GRM5: variants seen among roughly 807,000 people sequenced by gnomAD.
GRM5 encodes glutamate metabotropic receptor 5, also known as metabotropic glutamate receptor 5.
GRM5 carries 19 observed loss-of-function variants against 83.1 expected under a neutral mutation model. The ratio of observed to expected loss-of-function variants is 0.23; its 90% confidence interval spans 0.16 to 0.34. The LOEUF (loss-of-function observed/expected upper bound fraction) is 0.34. GRM5 is among the 10% of genes least tolerant of loss of function. The probability of loss-of-function intolerance (pLI) is 1.00; values close to 1 mark genes in which losing one functional copy is unlikely to be tolerated. For missense variants in GRM5, 1,160 were observed against 1,588.3 expected, an observed-to-expected ratio of 0.73 and a Z score of 4.58; for synonymous variants, 675 against 633.6, an observed-to-expected ratio of 1.07 and a Z score of -0.98.
chr11:88,895,115 G>GAT (rs905569405), intron 2 of GRM5, among the ~76,000 whole-genome samples: 38 of 151,938 alleles, frequency 2.5e-4, no homozygotes, highest in African/African-American at 8.2e-4. Flanking sequence ...GATAAATTGA[G>GAT]ATATATATTG....
intron 2 of GRM5, among the ~76,000 whole-genome samples, chr11:88,986,924 A>C (rs1272596641): frequency 6.6e-6 from 1 of 152,050 alleles, no homozygotes; most frequent in Non-Finnish European, 1.5e-5. Flanking sequence ...ATGGTGGCTC[A>C]TGCCTGTAAT....
At chr11:88,974,092 T>C (rs563524303) in intron 2 of GRM5, among the ~76,000 whole-genome samples, 31 of 152,244 alleles carry the variant, frequency 2.0e-4, no homozygotes, top group African/African-American at 6.0e-4. Context: ...TATCTACAGA[T>C]ATCATATTTG....
In GRM5 at chr11:88,508,753, G is replaced by A. The variant is rs781072751; in HGVS notation, c.3478C>T (p.Leu1160=). Residue 1160 remains leucine, a synonymous_variant, in exon 10 of 10, where the codon CTG becomes TTG. Coordinates refer to ENST00000305447, the MANE Select transcript of GRM5 (RefSeq NM_001143831.3). This position sits in a 1 kb window ranked among gnomAD's most constrained non-coding sequence, Gnocchi z 4.2. ...AAAAKPDLEE[L]VALTPPSPFR... ...GGGGACGGCGGGGTGAGAGCCACCAGCTCCTCCAGGTCTGGCTTGGCGGCC... is the reference window on the plus strand; with the variant it reads ...GGGGACGGCGGGGTGAGAGCCACCAACTCCTCCAGGTCTGGCTTGGCGGCC... 9 of 1,552,658 alleles carry A rather than the reference G, an allele frequency of 5.8e-6. No individual in the cohort carries two copies. In the African/African-American group the frequency reaches 8.5e-5, roughly 15 times the overall value.
At chr11:88,681,787 T>C (rs923843905) in intron 3 of GRM5, among the ~76,000 whole-genome samples, 6 of 151,776 alleles carry the variant, frequency 4.0e-5, no homozygotes, top group African/African-American at 1.5e-4. Context: ...GCCATGCTGG[T>C]CTTGATCTCC....
intron 7 of GRM5, among the ~76,000 whole-genome samples, chr11:88,582,729 A>G (rs1243187999): frequency 1.3e-5 from 2 of 152,244 alleles, no homozygotes; most frequent in East Asian, 3.8e-4. Flanking sequence ...AAGTTTAATT[A>G]TAATAGTCAA....
At chr11:88,753,574 A>G (rs1424564141) in intron 3 of GRM5, among the ~76,000 whole-genome samples, 1 of 152,206 alleles carries the variant, frequency 6.6e-6, no homozygotes, top group African/African-American at 2.4e-5. Context: ...ATTACTAGGT[A>G]CATACTCAAA....
chr11:88,843,403 A>G (rs954838512), intron 3 of GRM5, among the ~76,000 whole-genome samples: 4 of 152,084 alleles, frequency 2.6e-5, no homozygotes, highest in African/African-American at 9.7e-5. Context: ...GACATTTATT[A>G]TTTCTTTGTG....
At chr11:88,821,305 T>A (rs1943786658) in intron 3 of GRM5, among the ~76,000 whole-genome samples, 1 of 150,524 alleles carries the variant, frequency 6.6e-6, no homozygotes, top group Admixed American at 6.6e-5. Flanking sequence ...ACTCCCTTAT[T>A]TTTTGTTCTC....
At chr11:88,671,582 G>C (rs1228693334) in intron 3 of GRM5, among the ~76,000 whole-genome samples, 2 of 151,894 alleles carry the variant, frequency 1.3e-5, no homozygotes, top group African/African-American at 4.8e-5. Context: ...TACAGTAGTA[G>C]ACAGCAATGA....
chr11:88,824,694 ATGCTCACTTGCCCAC>A (rs1943864451), intron 3 of GRM5, among the ~76,000 whole-genome samples: 1 of 152,036 alleles, frequency 6.6e-6, no homozygotes, highest in Non-Finnish European at 1.5e-5. Context: ...TTCAAGTAGA[ATGCTCACTTGCCCAC>A]TGCTCACTTC....
intron 2 of GRM5, among the ~76,000 whole-genome samples, chr11:88,991,305 G>C (rs1481002821): frequency 1.3e-5 from 2 of 152,114 alleles, no homozygotes; most frequent in African/African-American, 4.8e-5. Context: ...CAACTTACAA[G>C]GGATGTGAAG....
intron 8 of GRM5, among the ~76,000 whole-genome samples, chr11:88,556,551 G>A (rs1031491178): frequency 2.0e-5 from 3 of 152,132 alleles, no homozygotes; most frequent in East Asian, 3.9e-4. Flanking sequence ...TTAAACTCCT[G>A]ACCTCATGAT....
intron 2 of GRM5, among the ~76,000 whole-genome samples, chr11:88,970,434 C>T (rs1350348320): frequency 6.6e-6 from 1 of 152,154 alleles, no homozygotes; most frequent in Non-Finnish European, 1.5e-5. Context: ...GGAAATGGCA[C>T]ATATCACTTC....
At chr11:89,049,879 C>G (rs1941721574) in intron 1 of GRM5, among the ~76,000 whole-genome samples, 5 of 152,118 alleles carry the variant, frequency 3.3e-5, no homozygotes. Context: ...TTTCCTTAGA[C>G]CCAAGCTTAA....
At chr11:88,529,136 T>G (rs926425959) in intron 8 of GRM5, among the ~76,000 whole-genome samples, 14 of 152,034 alleles carry the variant, frequency 9.2e-5, no homozygotes, top group African/African-American at 3.4e-4. Flanking sequence ...TAGGTCCCTA[T>G]GCCTGTACCA....
intron 1 of GRM5, among the ~76,000 whole-genome samples, chr11:89,063,149 C>T (rs1942030086): frequency 6.6e-6 from 1 of 152,222 alleles, no homozygotes; most frequent in Non-Finnish European, 1.5e-5. Flanking sequence ...TCCGAGCCCT[C>T]GGGTGGTTTG....
chr11:88,720,741 T>C (rs148126497), intron 3 of GRM5, among the ~76,000 whole-genome samples: 59 of 151,998 alleles, frequency 3.9e-4, no homozygotes, highest in African/African-American at 1.3e-3. Context: ...ATGTGCCCTG[T>C]GCAAAAGCCA....
intron 3 of GRM5, among the ~76,000 whole-genome samples, chr11:88,665,856 G>GAAAA (rs112797355): frequency 2.1e-5 from 3 of 146,092 alleles, no homozygotes; most frequent in East Asian, 2.0e-4. Flanking sequence ...TGATCCAGGA[G>GAAAA]AAAAAAAAAA....
intron 4 of GRM5, among the ~76,000 whole-genome samples, chr11:88,638,251 C>T (rs561589123): frequency 1.3e-5 from 2 of 151,500 alleles, no homozygotes; most frequent in African/African-American, 4.8e-5. Flanking sequence ...CACATGTATA[C>T]ATATGTAACT....
Sources: gnomAD v4.1 joint callset for allele counts (sites outside exome capture counted in the v4.1 genomes callset) on GRCh38, gnomAD v4.1.1 for gene constraint, Gnocchi (gnomAD v3.1) non-coding constraint, MANE v1.5 for transcripts, NCBI Gene and HGNC (gene_info 2026-07-23, HGNC 2026-07-21) for gene names.